TRHDE: variants seen among roughly 807,000 people sequenced by gnomAD.
The protein encoded by TRHDE is thyrotropin releasing hormone degrading enzyme.
In TRHDE, 72 loss-of-function variants were observed where a neutral mutation model predicts 125.7. The ratio of observed to expected loss-of-function variants is 0.57; its 90% CI spans 0.47 to 0.70. TRHDE has a LOEUF of 0.70. Ranked by LOEUF, TRHDE falls within the 30% of genes least tolerant of loss-of-function variation. The pLI is 0.00. For synonymous variants in TRHDE, 509 were observed against 509.1 expected, an observed-to-expected ratio of 1.00 and a Z score of 0.00; for missense variants, 1,110 against 1,327.1, an observed-to-expected ratio of 0.84 and a Z score of 2.54.
At chr12:72,183,319 A>C (rs1877133199) in intron 2 of TRHDE, among the ~76,000 whole-genome samples, 1 of 152,240 alleles carries the variant, frequency 6.6e-6, no homozygotes, top group Non-Finnish European at 1.5e-5. Context: ...GCATTTTAAT[A>C]GCCCCCTTTG....
rs754933055 is a variant in TRHDE at position 72,331,364 on chromosome 12, GA to G, written c.1188+44415del. On this transcript the variant is annotated intron_variant, in intron 2 of 18. Transcript: ENST00000261180. The stretch of plus-strand genomic sequence containing the variant: ...GCCCCTGTTTTCCAAGAAAATAATG[GA>G]AAAAGCTACTGAAGATCATTAATTC... 4.6e-3 allele frequency among the ~76,000 whole-genome samples: 304 copies of G among 66,418 alleles called. 47 individuals are homozygous for G. Among genetic ancestry groups the G allele is most frequent in the African/African-American group, 0.012 (290 of 24,356 alleles). 43.6% of individuals were successfully genotyped at this position (66,418 alleles called of 152,430 possible). A position where few individuals can be genotyped will look rare whatever the true frequency, so the allele number is the denominator to read the frequency against.
chr12:72,414,337 A>T (rs1019114521), intron 3 of TRHDE, among the ~76,000 whole-genome samples: 1 of 152,090 alleles, frequency 6.6e-6, no homozygotes, highest in Non-Finnish European at 1.5e-5. Flanking sequence ...AGACTAATGG[A>T]GACAAGAGAG....
intron 12 of TRHDE, among the ~76,000 whole-genome samples, chr12:72,597,709 GTATGTATATATATATATATATATATATA>G (rs1872014176): frequency 7.0e-5 from 4 of 56,960 alleles, no homozygotes; most frequent in African/African-American, 2.7e-4. Flanking sequence ...ATGTGTGTGT[GTATGTATATATATATATATATATATATA>G]TATATATATA....
chr12:72,491,423 C>G (rs922046334), intron 5 of TRHDE, among the ~76,000 whole-genome samples: 1 of 151,820 alleles, frequency 6.6e-6, no homozygotes, highest in Non-Finnish European at 1.5e-5. Context: ...TCTGCTGTAT[C>G]AATATTGCTA....
At chr12:72,167,113 T>C (rs546928762) in intron 2 of TRHDE, among the ~76,000 whole-genome samples, 3 of 152,268 alleles carry the variant, frequency 2.0e-5, no homozygotes, top group African/African-American at 7.2e-5. Context: ...CTCTGAGACA[T>C]GGTTCTTAAA....
At chr12:72,410,896 T>G (rs1873469757) in intron 3 of TRHDE, among the ~76,000 whole-genome samples, 1 of 150,898 alleles carries the variant, frequency 6.6e-6, no homozygotes, top group Non-Finnish European at 1.5e-5. Context: ...GATTTGAGAT[T>G]AAAAACAACA....
At chr12:72,149,750 A>T (rs1369647331) in intron 2 of TRHDE, among the ~76,000 whole-genome samples, 1 of 152,162 alleles carries the variant, frequency 6.6e-6, no homozygotes, top group Non-Finnish European at 1.5e-5. Flanking sequence ...ATCTTATCCA[A>T]CATCCCAAAC....
intron 6 of TRHDE, among the ~76,000 whole-genome samples, chr12:72,518,930 T>A (rs1565775384): frequency 6.6e-6 from 1 of 151,994 alleles, no homozygotes; most frequent in Non-Finnish European, 1.5e-5. Context: ...GATATGAAAT[T>A]CTGGGTTGAA....
At chr12:72,533,793 G>T (rs111496676) in intron 6 of TRHDE, among the ~76,000 whole-genome samples, 2 of 131,468 alleles carry the variant, frequency 1.5e-5, no homozygotes, top group African/African-American at 5.6e-5. Context: ...GTATTGTTAT[G>T]CTTCAAATTT....
intron 7 of TRHDE, among the ~76,000 whole-genome samples, chr12:72,543,894 C>T (rs1015229114): frequency 6.7e-6 from 1 of 149,910 alleles, no homozygotes; most frequent in Non-Finnish European, 1.5e-5. Flanking sequence ...ATTTTTAATA[C>T]ATTCTTTTCC....
chr12:72,268,449 A>G (rs1879117835), upstream of TRHDE, among the ~76,000 whole-genome samples: 1 of 152,122 alleles, frequency 6.6e-6, no homozygotes, highest in South Asian at 2.1e-4. Flanking sequence ...GAGCTGAAAG[A>G]TACCCCCAAA....
At chr12:72,232,749 T>G (rs1030034670) in intron 2 of TRHDE, among the ~76,000 whole-genome samples, 3 of 152,088 alleles carry the variant, frequency 2.0e-5, no homozygotes, top group South Asian at 2.1e-4. Flanking sequence ...CCCCATGGCT[T>G]CTTCTCCTAT....
At position 72,272,728 on chromosome 12, in the gene TRHDE, G is replaced by A. The variant is rs1425636752; in HGVS notation, c.85G>A (p.Glu29Lys). 1 of 1,457,070 alleles carries A rather than the reference G, an allele frequency of 6.9e-7. No individual in the cohort carries two copies. The highest frequency in any genetic ancestry group is 1.4e-5 in the African/African-American group (1 of 70,144). The allele number at this position is 1,457,070 out of a possible 1,614,324, so 90.3% of individuals were successfully genotyped here. A position where few individuals can be genotyped will look rare whatever the true frequency, so the allele number is the denominator to read the frequency against. Residue 29 changes from glutamate (E) to lysine (K), a missense_variant, in exon 1 of 19, where the codon GAG becomes AAG. Glu to Lys is a moderately conservative substitution (Grantham distance 56). Transcript: ENST00000261180. This position sits in a 1 kb window ranked among gnomAD's most constrained non-coding sequence, Gnocchi z 6.7. ...GAAGAGGAAGAAGAAGAAGGAGGAG[G>A]AGGAGGAGGAGGAGGGGGCCGAGAA... Reference protein sequence around the residue: ...KKKRKKKKEEEEEEEGAEKSS... With the variant: ...KKKRKKKKEEKEEEEGAEKSS...
chr12:72,579,235 C>T (rs2067205272), intron 12 of TRHDE, among the ~76,000 whole-genome samples: 1 of 151,868 alleles, frequency 6.6e-6, no homozygotes, highest in South Asian at 2.1e-4. Context: ...CCTCCATCAA[C>T]CATGTGTGAG....
At chr12:72,513,129 G>GT (rs1319713698) in intron 6 of TRHDE, among the ~76,000 whole-genome samples, 7 of 152,054 alleles carry the variant, frequency 4.6e-5, no homozygotes, top group Non-Finnish European at 7.4e-5. Flanking sequence ...GTACACCGTT[G>GT]TTTTTACCAT....
Position 72,523,829 on chromosome 12 carries a change from A to G in TRHDE, c.1723-18462A>G, listed in dbSNP as rs142562721. Among the ~76,000 whole-genome samples the G allele has an allele frequency of 7.8e-4, 119 of 152,286 alleles. 1 individual carries two copies. Among genetic ancestry groups the G allele is most frequent in the African/African-American group, 2.8e-3 (115 of 41,568 alleles). ...CTGTCAGAAGAGTTTGCTTTGTGAT[A>G]AATGGCTTGTTTTAGTTCCCTGGAC... On this transcript the variant is annotated intron_variant, in intron 6 of 18. Coordinates refer to ENST00000261180, the MANE Select transcript of TRHDE (RefSeq NM_013381.3).
chr12:72,116,430 C>T (rs1012880617), intron 2 of TRHDE, among the ~76,000 whole-genome samples: 9 of 152,146 alleles, frequency 5.9e-5, no homozygotes, highest in Non-Finnish European at 1.2e-4. Flanking sequence ...CTTGAGGAAT[C>T]ACCACACTGC....
intron 2 of TRHDE, among the ~76,000 whole-genome samples, chr12:72,304,806 T>C (rs1463098340): frequency 1.3e-5 from 2 of 152,200 alleles, no homozygotes; most frequent in African/African-American, 2.4e-5. Flanking sequence ...TTTAGGAAAT[T>C]ATTAATATAG....
chr12:72,563,735 C>A (rs1191647948), intron 9 of TRHDE, among the ~76,000 whole-genome samples: 1 of 135,082 alleles, frequency 7.4e-6, no homozygotes, highest in Non-Finnish European at 1.5e-5. Flanking sequence ...GATATTAAAA[C>A]TTAAATCATT....
Sources: allele counts gnomAD v4.1 joint callset (sites outside exome capture counted in the v4.1 genomes callset), GRCh38; gene constraint gnomAD v4.1.1; non-coding constraint Gnocchi (gnomAD v3.1); transcripts MANE v1.5; gene names NCBI Gene and HGNC (gene_info 2026-07-23, HGNC 2026-07-21).